RUNDC3A: variants seen among roughly 807,000 people sequenced by gnomAD.
RUNDC3A encodes the protein RUN domain containing 3A, also known as RUN domain-containing protein 3A.
A neutral mutation model predicts 53.9 loss-of-function variants in RUNDC3A; 28 were observed. That is an observed-to-expected ratio of 0.52 (90% confidence interval 0.38 to 0.71). The LOEUF (loss-of-function observed/expected upper bound fraction) is 0.71. RUNDC3A is among the 30% of genes least tolerant of loss of function. The pLI is 0.00. For synonymous variants in RUNDC3A, 232 were observed against 249.4 expected, an observed-to-expected ratio of 0.93 and a Z score of 0.66; for missense variants, 491 against 597.3, an observed-to-expected ratio of 0.82 and a Z score of 1.85.
In RUNDC3A at chr17:44,318,102, A is replaced by T. The variant is rs1250755390; in HGVS notation, c.1205A>T (p.Asp402Val). Reference sequence around the variant, plus strand: ...ACCTGCCCTCTCTCCCCAGGGAAGGACCCCACGCCCTCCATGCTGGGCCTC... The same window carrying T: ...ACCTGCCCTCTCTCCCCAGGGAAGGTCCCCACGCCCTCCATGCTGGGCCTC... Reference protein sequence around the residue: ...DEEPWGPIGKDPTPSMLGLCG... With the variant: ...DEEPWGPIGKVPTPSMLGLCG... Residue 402 changes from aspartate (D) to valine (V), a missense_variant, in exon 11 of 11, where the codon GAC becomes GTC. Asp to Val is a radical substitution (Grantham distance 152). Coordinates refer to ENST00000426726, the MANE Select transcript of RUNDC3A (RefSeq NM_001144825.2). 6.4e-7 allele frequency: 1 copy of T among 1,551,138 alleles called. No homozygotes were observed. The highest frequency in any genetic ancestry group is 2.0e-5 in the Admixed American group (1 of 50,972).
chr17:44,313,234 C>G lies in RUNDC3A; in HGVS notation c.354C>G (p.Ile118Met). The G allele has an allele frequency of 6.2e-7, 1 of 1,613,988 alleles. No homozygotes were observed. The highest frequency in any genetic ancestry group is 8.5e-7 in the Non-Finnish European group (1 of 1,179,878). ...CVSSIENMENISTARAKGRAW... is the reference protein window; with the variant it reads ...CVSSIENMENMSTARAKGRAW... The stretch of plus-strand genomic sequence containing the variant: ...GCAGCATCGAGAACATGGAGAACAT[C>G]AGCACAGCCCGGGCCAAGGTGAGGG... Residue 118 changes from isoleucine to methionine, a missense_variant, in exon 3 of 11, where the codon ATC (isoleucine) becomes ATG (methionine). Coordinates refer to ENST00000426726, the MANE Select transcript of RUNDC3A (RefSeq NM_001144825.2).
intron 4 of RUNDC3A, chr17:44,313,769 C>A: frequency 9.5e-7 from 1 of 1,055,914 alleles, no homozygotes; most frequent in Non-Finnish European, 1.2e-6. Context: ...GCAACCTCCG[C>A]CTCCTGGGTT....
Position 44,314,964 on chromosome 17 carries a change from C to G in RUNDC3A, c.584C>G (p.Thr195Ser), listed in dbSNP as rs540533779. The G allele has an allele frequency of 3.5e-5, 56 of 1,614,012 alleles. 1 individual carries two copies. In the South Asian group the frequency reaches 6.0e-4, roughly 17 times the overall value. Residue 195 changes from threonine to serine, a missense_variant, in exon 6 of 11, where the codon ACC becomes AGC. This residue lies in a region of RUNDC3A where 273 missense variants were observed against 389.0 expected (regional missense o/e 0.70). Transcript: ENST00000426726. ...AAGGGGGAAGTCCTGGACGGGAAGA[C>G]CCCCGTGGTCATCGATTACACGCCC... ...CLKGEVLDGK[T>S]PVVIDYTPYL...
At position 44,315,098 on chromosome 17, in the gene RUNDC3A, C is replaced by T. The variant is rs2047830676; in HGVS notation, c.630-57C>T. On this transcript the variant is annotated intron_variant, in intron 6 of 10. Coordinates refer to ENST00000426726, the MANE Select transcript of RUNDC3A (RefSeq NM_001144825.2). This position sits in a 1 kb window ranked among gnomAD's most constrained non-coding sequence, Gnocchi z 6.1. The stretch of plus-strand genomic sequence containing the variant: ...TGGTCCCACCGCCCTCAGCGGCCAG[C>T]GCAGACGCGCGGGGGGAGGGGCGGG... The T allele has an allele frequency of 1.2e-6, 2 of 1,603,420 alleles. No individual in the cohort carries two copies. Among genetic ancestry groups the T allele is most frequent in the South Asian group, 1.1e-5 (1 of 90,426 alleles).
intron 10 of RUNDC3A, chr17:44,317,266 G>C: frequency 1.6e-6 from 1 of 615,034 alleles, no homozygotes; most frequent in Non-Finnish European, 2.9e-6. Flanking sequence ...ATGTGAGCTT[G>C]GTCAATCACT....
At position 44,316,404 on chromosome 17, in the gene RUNDC3A, G is replaced by A; in HGVS notation, c.973G>A (p.Asp325Asn). 6.2e-7 allele frequency: 1 copy of A among 1,613,662 alleles called. No homozygotes were observed. Among genetic ancestry groups the A allele is most frequent in the Admixed American group, 1.7e-5 (1 of 60,004 alleles). ...QEQLTGLIPS[D>N]HAPLAQGSKE... The stretch of plus-strand genomic sequence containing the variant: ...TCCCAGGACAGGTCTGATCCCCAGT[G>A]ACCACGCCCCTCTGGCCCAGGGTTC... Residue 325 changes from aspartate (D) to asparagine (N), a missense_variant, in exon 9 of 11, where the codon GAC becomes AAC. Asp to Asn is a conservative substitution (Grantham distance 23). Around this residue, in one of 2 missense-constraint regions of RUNDC3A, gnomAD observed 218 missense variants for 208.2 expected, o/e 1.05. Coordinates refer to ENST00000426726, the MANE Select transcript of RUNDC3A (RefSeq NM_001144825.2).
rs1567855117 is a variant in RUNDC3A at position 44,314,673 on chromosome 17, C to CG, written c.459-62_459-61insG. ...TGGCAGTAAGCCAACAATAGCAGCT[C>CG]TGGGGGGGGGGGGGGCGCTCCAGGG... On this transcript the variant is annotated intron_variant, in intron 4 of 10. Coordinates refer to ENST00000426726, the MANE Select transcript of RUNDC3A (RefSeq NM_001144825.2). 7.3e-3 allele frequency: 4,395 copies of CG among 599,718 alleles called. 157 individuals are homozygous for CG. Among genetic ancestry groups the CG allele is most frequent in the Non-Finnish European group, 9.9e-3 (3,909 of 393,068 alleles). 37.1% of individuals were successfully genotyped at this position (599,718 alleles called of 1,614,324 possible). A position where few individuals can be genotyped will look rare whatever the true frequency, so the allele number is the denominator to read the frequency against.
At chr17:44,317,293 A>G (rs1364122114) in intron 10 of RUNDC3A, among the ~76,000 whole-genome samples, 1 of 152,140 alleles carries the variant, frequency 6.6e-6, no homozygotes, top group Non-Finnish European at 1.5e-5. Flanking sequence ...CCATGAGTCT[A>G]TTCTTTGTAA....
rs2047923645 is a variant in RUNDC3A at position 44,318,659 on chromosome 17, C to G, written c.*421C>G. 1 of 172,738 alleles carries G rather than the reference C, an allele frequency of 5.8e-6. No individual in the cohort carries two copies. Among genetic ancestry groups the G allele is most frequent in the Non-Finnish European group, 1.3e-5 (1 of 79,860 alleles). 10.7% of individuals were successfully genotyped at this position (172,738 alleles called of 1,614,324 possible). On this transcript the variant is annotated 3_prime_UTR_variant, in exon 11 of 11. Transcript: ENST00000426726. Reference sequence around the variant, plus strand: ...CAGGGCAAGAGAGCTCAAATAAAAACCAGAGGACTGAGGGCAGCCTTGTAT... The same window carrying G: ...CAGGGCAAGAGAGCTCAAATAAAAAGCAGAGGACTGAGGGCAGCCTTGTAT...
intron 4 of RUNDC3A, chr17:44,314,496 G>A: frequency 7.1e-7 from 1 of 1,407,986 alleles, no homozygotes; most frequent in Middle Eastern, 2.6e-4. Flanking sequence ...AGTACTTGAT[G>A]AGGAAGGGGT....
rs1422833485 is a variant in RUNDC3A, at chr17:44,313,469, A to G, written c.424A>G (p.Ile142Val). The change falls in exon 4 of 11, where the codon ATC (isoleucine) becomes GTC (valine). Residue 142 changes from isoleucine (I) to valine (V), a missense_variant. Coordinates refer to ENST00000426726, the MANE Select transcript of RUNDC3A (RefSeq NM_001144825.2). ...ALMEKRMSEY[I>V]TTALRDTRTT... ...GATGGAGAAGCGCATGTCAGAATACATCACCACGGCTCTGCGTGACACCCG... is the reference window on the plus strand; with the variant it reads ...GATGGAGAAGCGCATGTCAGAATACGTCACCACGGCTCTGCGTGACACCCG... 1 of 1,613,540 alleles carries G rather than the reference A, an allele frequency of 6.2e-7. No homozygotes were observed. Among genetic ancestry groups the G allele is most frequent in the Non-Finnish European group, 8.5e-7 (1 of 1,179,648 alleles).
rs370357787 is a variant in RUNDC3A, at chr17:44,311,361, C to T, written c.108-1219C>T. ...ACAGATGTAGCAGAAAGAGCAGAAG[C>T]TTCAGAATCAGAATCAGACATACCT... On this transcript the variant is annotated intron_variant, in intron 1 of 10. Coordinates refer to ENST00000426726, the MANE Select transcript of RUNDC3A (RefSeq NM_001144825.2). 8 of 984,852 alleles carry T rather than the reference C, an allele frequency of 8.1e-6. No homozygotes were observed. In the East Asian group the frequency reaches 4.5e-4, roughly 56 times the overall value. 61.0% of individuals were successfully genotyped at this position (984,852 alleles called of 1,614,324 possible). A position where few individuals can be genotyped will look rare whatever the true frequency, so the allele number is the denominator to read the frequency against.
rs1361580436 is a variant in RUNDC3A, at chr17:44,315,389, C to T, written c.796-63C>T. On this transcript the variant is annotated intron_variant, in intron 7 of 10. Coordinates refer to ENST00000426726, the MANE Select transcript of RUNDC3A (RefSeq NM_001144825.2). This position sits in a 1 kb window ranked among gnomAD's most constrained non-coding sequence, Gnocchi z 6.1. ...GGGATCCGGGCATCCCGGGGCGGGG[C>T]GGGGATGGGGGCCGCGGCCGGGACG... 5 of 384,896 alleles carry T rather than the reference C, an allele frequency of 1.3e-5. No individual in the cohort carries two copies. Among genetic ancestry groups the T allele is most frequent in the East Asian group, 1.1e-4 (1 of 8,800 alleles). 23.8% of individuals were successfully genotyped at this position (384,896 alleles called of 1,614,324 possible).
Position 44,315,769 on chromosome 17 carries a change from C to A in RUNDC3A, c.953+160C>A. The A allele has an allele frequency of 3.5e-6, 2 of 565,128 alleles. No homozygotes were observed. The highest frequency in any genetic ancestry group is 2.7e-6 in the Non-Finnish European group (1 of 363,890). The allele number at this position is 565,128 out of a possible 1,614,324, so 35.0% of individuals were successfully genotyped here. A position where few individuals can be genotyped will look rare whatever the true frequency, so the allele number is the denominator to read the frequency against. On this transcript the variant is annotated intron_variant, in intron 8 of 10. Transcript: ENST00000426726. The surrounding 1 kb of genome is among the most constrained non-coding windows in gnomAD (Gnocchi z 6.1). ...CCAGCCAGCCCCACCCCGAGATGCC[C>A]ACAATGATCTTCTAACATTGCCCCC... is the stretch of plus-strand genomic sequence containing the variant.
chr17:44,316,816 T>TA, intron 10 of RUNDC3A, 91 bp downstream of exon 10: 2 of 702,736 alleles, frequency 2.8e-6, no homozygotes, highest in South Asian at 4.1e-5. Context: ...TTCATTCTCT[T>TA]AGTCTTTTTT....
chr17:44,317,797 A>G (rs1268735216), intron 10 of RUNDC3A: 1 of 597,118 alleles, frequency 1.7e-6, no homozygotes, highest in Non-Finnish European at 3.0e-6. Flanking sequence ...CGTTCTCTGT[A>G]TCCCCAGTGC....
At chr17:44,316,791 C>A in intron 10 of RUNDC3A, 66 bp downstream of exon 10, 10 of 799,694 alleles carry the variant, frequency 1.3e-5, no homozygotes, top group African/African-American at 1.8e-5. Flanking sequence ...CCTGAGGCCT[C>A]AAGGCATGTC....
rs549160335 is a variant in RUNDC3A at position 44,317,415 on chromosome 17, T to C, written c.1199-681T>C. 89 of 780,214 alleles carry C rather than the reference T, an allele frequency of 1.1e-4. No individual in the cohort carries two copies. The East Asian group carries it at 1.5e-3, about 13-fold the overall frequency. 48.3% of individuals were successfully genotyped at this position (780,214 alleles called of 1,614,324 possible). A position where few individuals can be genotyped will look rare whatever the true frequency, so the allele number is the denominator to read the frequency against. On this transcript the variant is annotated intron_variant, in intron 10 of 10. Transcript: ENST00000426726. Reference sequence around the variant, plus strand: ...CTCTCGGGGAACTCCTTAGACTAATTTGCTCTTATCTCATGCACACTGTGA... The same window carrying C: ...CTCTCGGGGAACTCCTTAGACTAATCTGCTCTTATCTCATGCACACTGTGA...
intron 1 of RUNDC3A, among the ~76,000 whole-genome samples, chr17:44,311,706 G>C (rs895476018): frequency 5.3e-5 from 8 of 152,122 alleles, no homozygotes; most frequent in Non-Finnish European, 1.2e-4. Context: ...AGGGATGGCA[G>C]GGGGAGATTG....
Sources: allele counts gnomAD v4.1 joint callset (sites outside exome capture counted in the v4.1 genomes callset), GRCh38; gene constraint gnomAD v4.1.1; regional missense constraint gnomAD v4.1.1; non-coding constraint Gnocchi (gnomAD v3.1); transcripts MANE v1.5; gene names NCBI Gene and HGNC (gene_info 2026-07-23, HGNC 2026-07-21).